USH2A: variants seen among roughly 807,000 people sequenced by gnomAD.
USH2A encodes the protein Usher syndrome 2A (autosomal recessive, mild).
USH2A carries 443 observed loss-of-function variants against 538.9 expected under a neutral mutation model. That is an observed-to-expected ratio of 0.82 (90% CI 0.76 to 0.89). The LOEUF is 0.89. Among genes scored for constraint, USH2A ranks in the 40% least tolerant of loss-of-function variants. USH2A has a pLI of 0.00. For synonymous variants in USH2A, 2,413 were observed against 2,273.5 expected (o/e 1.06, Z -1.75); for missense variants, 6,633 against 6,324.8 (o/e 1.05, Z -1.65).
At chr1:216,338,407 A>T (rs540347385) in intron 4 of USH2A, among the ~76,000 whole-genome samples, 1 of 151,692 alleles carries the variant, frequency 6.6e-6, no homozygotes, top group Admixed American at 6.6e-5. Flanking sequence ...AGAATGTGCC[A>T]ATAAAGATAA....
intron 38 of USH2A, among the ~76,000 whole-genome samples, chr1:215,930,791 A>G (rs1666344153): frequency 6.6e-6 from 1 of 152,008 alleles, no homozygotes; most frequent in South Asian, 2.1e-4. Context: ...TCCTAACCCC[A>G]TTAGTAACTC....
At chr1:216,040,885 T>G (rs2030246398) in intron 32 of USH2A, among the ~76,000 whole-genome samples, 1 of 151,928 alleles carries the variant, frequency 6.6e-6, no homozygotes, top group Non-Finnish European at 1.5e-5. Context: ...GAAAAAAAGA[T>G]AAATGGCACC....
rs185478918 is a variant in USH2A, at chr1:215,660,942, T to C, written c.14133+10030A>G. Among the ~76,000 whole-genome samples, 713 of 152,338 alleles carry C rather than the reference T, an allele frequency of 4.7e-3. 8 individuals are homozygous for C. Among genetic ancestry groups the C allele is most frequent in the Non-Finnish European group, 7.3e-3 (497 of 68,016 alleles). On this transcript the variant is annotated intron_variant, in intron 64 of 71. Coordinates refer to ENST00000307340, the MANE Select transcript of USH2A (RefSeq NM_206933.4). ...ATGTGTTAACATTTTTGTTTCCACC[T>C]GCAGATTAGATTGCTTCATATATCC...
rs748417644 is a variant in USH2A at position 215,639,238 on chromosome 1, G to T, written c.14969C>A (p.Thr4990Asn). 8 of 1,614,074 alleles carry T rather than the reference G, an allele frequency of 5.0e-6. No individual in the cohort carries two copies. The highest frequency in any genetic ancestry group is 2.7e-5 in the African/African-American group (2 of 75,044). ...TLYIPRTADK[T>N]FFFQVICTTD... Reference sequence around the variant, plus strand: ...CGTGCAGATGACCTGGAAAAAGAAGGCTAGACAAAAGGAAGAACTGGTAAA... The same window carrying T: ...CGTGCAGATGACCTGGAAAAAGAAGTCTAGACAAAAGGAAGAACTGGTAAA... Residue 4990 changes from threonine (T) to asparagine (N), a missense_variant and splice_region_variant, in exon 69 of 72, where the codon ACC (threonine) becomes AAC (asparagine). Transcript: ENST00000307340.
At position 216,056,471 on chromosome 1, in the gene USH2A, T is replaced by C. The variant is rs375003110; in HGVS notation, c.6050-7824A>G. 2.1e-3 allele frequency among the ~76,000 whole-genome samples: 313 copies of C among 152,280 alleles called. 2 individuals are homozygous for C. Among genetic ancestry groups the C allele is most frequent in the African/African-American group, 6.8e-3 (283 of 41,568 alleles). On this transcript the variant is annotated intron_variant, in intron 30 of 71. Coordinates refer to ENST00000307340, the MANE Select transcript of USH2A (RefSeq NM_206933.4). ...TCAAGTCCAGACAGCTAAAAAGCAG[T>C]AGAGCCAATATTAGAACCTGTATTC...
At chr1:216,131,475 A>G (rs2033375387) in intron 21 of USH2A, among the ~76,000 whole-genome samples, 1 of 152,008 alleles carries the variant, frequency 6.6e-6, no homozygotes, top group African/African-American at 2.4e-5. Context: ...TCTTGAGTTG[A>G]TATTTGTATA....
intron 21 of USH2A, among the ~76,000 whole-genome samples, chr1:216,123,762 T>C (rs953110629): frequency 1.3e-5 from 2 of 152,162 alleles, no homozygotes; most frequent in Non-Finnish European, 2.9e-5. Flanking sequence ...ATGTGTATAA[T>C]ATATATAACA....
chr1:216,378,850 T>C (rs1369071524), intron 3 of USH2A, among the ~76,000 whole-genome samples: 3 of 152,222 alleles, frequency 2.0e-5, no homozygotes, highest in Non-Finnish European at 4.4e-5. Flanking sequence ...GAATTCTTTA[T>C]ATTTTTATAA....
At chr1:216,022,617 A>C (rs541937555) in intron 32 of USH2A, among the ~76,000 whole-genome samples, 1 of 152,290 alleles carries the variant, frequency 6.6e-6, no homozygotes, top group African/African-American at 2.4e-5. Flanking sequence ...TCACTTAAGA[A>C]AGAGGGAGGC....
intron 40 of USH2A, among the ~76,000 whole-genome samples, chr1:215,893,792 G>C (rs1386815078): frequency 6.6e-6 from 1 of 152,102 alleles, no homozygotes; most frequent in East Asian, 1.9e-4. Flanking sequence ...TTGAGGCAAG[G>C]TGGATAGAAT....
Position 215,677,982 on chromosome 1 carries a change from C to G in USH2A, c.12294+2167G>C, listed in dbSNP as rs149502824. ...AATAGCCCAAAGCCTAAACCCAAAA[C>G]TCATCTCAAAGCGCTCCCTTTCCTT... On this transcript the variant is annotated intron_variant, in intron 62 of 71. Transcript: ENST00000307340. Among the ~76,000 whole-genome samples, 832 of 152,286 alleles carry G rather than the reference C, an allele frequency of 5.5e-3. 4 individuals are homozygous for G. The highest frequency in any genetic ancestry group is 0.019 in the African/African-American group (804 of 41,556).
At chr1:216,074,516 G>A (rs2031683531) in intron 27 of USH2A, among the ~76,000 whole-genome samples, 1 of 152,114 alleles carries the variant, frequency 6.6e-6, no homozygotes, top group South Asian at 2.1e-4. Flanking sequence ...TTCATATGAT[G>A]TCTTATTATG....
intron 58 of USH2A, among the ~76,000 whole-genome samples, chr1:215,754,154 A>C (rs1003877562): frequency 6.6e-6 from 1 of 152,202 alleles, no homozygotes; most frequent in Admixed American, 6.5e-5. Flanking sequence ...TAGCGTTTGC[A>C]TAAAAATTAA....
chr1:215,910,057 C>T (rs1432216637), intron 38 of USH2A, among the ~76,000 whole-genome samples: 1 of 151,920 alleles, frequency 6.6e-6, no homozygotes, highest in Non-Finnish European at 1.5e-5. Flanking sequence ...GCACTGAAAA[C>T]CAAAAGACTA....
chr1:216,238,863 C>G (rs1391269282), intron 13 of USH2A, among the ~76,000 whole-genome samples: 1 of 152,234 alleles, frequency 6.6e-6, no homozygotes, highest in South Asian at 2.1e-4. Context: ...CTTCCTACCC[C>G]ATCCTTCTCC....
At chr1:215,647,286 T>C (rs1246151058) in intron 67 of USH2A, among the ~76,000 whole-genome samples, 1 of 152,212 alleles carries the variant, frequency 6.6e-6, no homozygotes, top group African/African-American at 2.4e-5. Flanking sequence ...CCCCTAAATT[T>C]ATTTTTACCC....
At position 216,126,383 on chromosome 1, in the gene USH2A, C is replaced by T. The variant is rs571291305; in HGVS notation, c.4628-29170G>A. Among the ~76,000 whole-genome samples, 3 of 152,050 alleles carry T rather than the reference C, an allele frequency of 2.0e-5. No individual in the cohort carries two copies. The South Asian group carries it at 6.2e-4, about 32-fold the overall frequency. ...GGATTACAGGTGCATGGCACTATGC[C>T]TGGCTAATTTTTTGTATTTTTAGTA... On this transcript the variant is annotated intron_variant, in intron 21 of 71. Coordinates refer to ENST00000307340, the MANE Select transcript of USH2A (RefSeq NM_206933.4).
intron 67 of USH2A, among the ~76,000 whole-genome samples, chr1:215,643,082 G>A (rs541106458): frequency 2.6e-5 from 4 of 152,108 alleles, no homozygotes; most frequent in African/African-American, 9.6e-5. Flanking sequence ...TGCAACCTCC[G>A]CCTCCCAGGT....
chr1:215,842,331 G>T (rs1214310164), intron 46 of USH2A, among the ~76,000 whole-genome samples: 1 of 152,190 alleles, frequency 6.6e-6, no homozygotes, highest in African/African-American at 2.4e-5. Flanking sequence ...AAGCTGTGGA[G>T]AAATAGAAGG....
Sources: gnomAD v4.1 joint callset for allele counts (sites outside exome capture counted in the v4.1 genomes callset) on GRCh38, gnomAD v4.1.1 for gene constraint, MANE v1.5 for transcripts, NCBI Gene and HGNC (gene_info 2026-07-23, HGNC 2026-07-21) for gene names.